B3GALT1: variants seen among roughly 807,000 people sequenced by gnomAD.
B3GALT1 encodes beta-1,3-galactosyltransferase 1.
B3GALT1 carries 10 observed loss-of-function variants against 23.2 expected under a neutral mutation model. The observed-to-expected ratio is 0.43, with a 90% CI of 0.27 to 0.73. The LOEUF is 0.73. Ranked by LOEUF, B3GALT1 falls within the 30% of genes least tolerant of loss-of-function variation. The pLI, the probability that B3GALT1 is intolerant of heterozygous loss-of-function variation, is 0.21. For synonymous variants in B3GALT1, 156 were observed against 141.5 expected, an observed-to-expected ratio of 1.10 and a Z score of -0.73; for missense variants, 299 against 405.4, an observed-to-expected ratio of 0.74 and a Z score of 2.25.
At position 167,550,894 on chromosome 2, in the gene B3GALT1, G is replaced by A. The variant is rs73026038; in HGVS notation, c.-410+60617G>A. On this transcript the variant is annotated intron_variant, in intron 2 of 4. Coordinates refer to ENST00000392690, the MANE Select transcript of B3GALT1 (RefSeq NM_020981.4). ...ATTTCAGTGACTTAACCCAAACACCGTCTCACTTATGTTACAGTCCAGGGA... is the reference window on the plus strand; with the variant it reads ...ATTTCAGTGACTTAACCCAAACACCATCTCACTTATGTTACAGTCCAGGGA... Among the ~76,000 whole-genome samples, 508 of 152,270 alleles carry A rather than the reference G, an allele frequency of 3.3e-3. 2 individuals carry two copies. Among genetic ancestry groups the A allele is most frequent in the African/African-American group, 0.012 (490 of 41,554 alleles).
At chr2:167,852,943 G>A (rs1263838521) in intron 4 of B3GALT1, among the ~76,000 whole-genome samples, 1 of 152,134 alleles carries the variant, frequency 6.6e-6, no homozygotes, top group Non-Finnish European at 1.5e-5. Flanking sequence ...TAATGAGAGT[G>A]ACAAAAATAA....
At chr2:167,357,996 G>A (rs974025998) in intron 1 of B3GALT1, among the ~76,000 whole-genome samples, 1 of 152,108 alleles carries the variant, frequency 6.6e-6, no homozygotes, top group Non-Finnish European at 1.5e-5. Flanking sequence ...TTCACAATTT[G>A]AGTATTTTGG....
chr2:167,310,839 A>G (rs932003727), intron 1 of B3GALT1, among the ~76,000 whole-genome samples: 8 of 151,956 alleles, frequency 5.3e-5, no homozygotes, highest in African/African-American at 1.4e-4. Context: ...CTTAGACTAG[A>G]CACTCTTCAG....
chr2:167,314,132 C>T (rs1696674228), intron 1 of B3GALT1, among the ~76,000 whole-genome samples: 1 of 151,948 alleles, frequency 6.6e-6, no homozygotes, highest in Non-Finnish European at 1.5e-5. Flanking sequence ...TTCAAATGCT[C>T]CCTACTCATG....
chr2:167,439,469 C>T (rs1275337632), intron 1 of B3GALT1, among the ~76,000 whole-genome samples: 2 of 151,976 alleles, frequency 1.3e-5, no homozygotes, highest in East Asian at 3.9e-4. Flanking sequence ...ATACTTTTCC[C>T]AGTCTGAGAA....
In B3GALT1 at chr2:167,449,801, G is replaced by A. The variant is rs372450996; in HGVS notation, c.-510-40376G>A. On this transcript the variant is annotated intron_variant, in intron 1 of 4. Transcript: ENST00000392690. ...GATTTTGCTGAGGGTTTTATTCGTA[G>A]AGGAATGCTGGATTTTGTCAAATAC... 5.3e-5 allele frequency among the ~76,000 whole-genome samples: 8 copies of A among 152,180 alleles called. No individual in the cohort carries two copies. The South Asian group carries it at 1.2e-3, about 24-fold the overall frequency.
intron 1 of B3GALT1, among the ~76,000 whole-genome samples, chr2:167,411,664 A>T (rs1180784833): frequency 6.6e-6 from 1 of 152,170 alleles, no homozygotes; most frequent in East Asian, 1.9e-4. Flanking sequence ...ATGTTCCTCA[A>T]AAAGTTAAAA....
intron 1 of B3GALT1, among the ~76,000 whole-genome samples, chr2:167,460,288 T>C (rs1309489165): frequency 6.6e-6 from 1 of 152,232 alleles, no homozygotes; most frequent in African/African-American, 2.4e-5. Flanking sequence ...GTCTGTTCAC[T>C]TTTCTTCAGT....
intron 3 of B3GALT1, among the ~76,000 whole-genome samples, chr2:167,768,377 T>TCTTC (rs1393789959): frequency 2.6e-5 from 4 of 152,242 alleles, no homozygotes; most frequent in Non-Finnish European, 4.4e-5. Context: ...TGGAATTCTT[T>TCTTC]CTTCCTTCCT....
chr2:167,561,876 T>C (rs1249296455), intron 2 of B3GALT1, among the ~76,000 whole-genome samples: 2 of 152,058 alleles, frequency 1.3e-5, no homozygotes, highest in Non-Finnish European at 2.9e-5. Flanking sequence ...CTACCAGAGG[T>C]ACAAGGAGGA....
intron 1 of B3GALT1, among the ~76,000 whole-genome samples, chr2:167,385,666 G>GA (rs1194287069): frequency 6.6e-6 from 1 of 152,144 alleles, no homozygotes; most frequent in Non-Finnish European, 1.5e-5. Context: ...ATACTGCTAG[G>GA]AAATAACAAA....
chr2:167,566,011 A>C (rs1684156704), intron 2 of B3GALT1, among the ~76,000 whole-genome samples: 1 of 152,114 alleles, frequency 6.6e-6, no homozygotes, highest in Admixed American at 6.6e-5. Flanking sequence ...GTATATACCC[A>C]AAGGACTATA....
At chr2:167,846,168 G>T (rs1689756600) in intron 4 of B3GALT1, among the ~76,000 whole-genome samples, 1 of 152,126 alleles carries the variant, frequency 6.6e-6, no homozygotes. Context: ...TAAAAGCTTG[G>T]AAACCATGTT....
chr2:167,829,994 T>A (rs1574286739), intron 4 of B3GALT1, among the ~76,000 whole-genome samples: 1 of 152,034 alleles, frequency 6.6e-6, no homozygotes, highest in East Asian at 1.9e-4. Flanking sequence ...GCAAAAGAAA[T>A]GTCTAGAAAG....
intron 2 of B3GALT1, among the ~76,000 whole-genome samples, chr2:167,599,978 A>G (rs1684846334): frequency 6.6e-6 from 1 of 152,224 alleles, no homozygotes. Context: ...TATCTGTACT[A>G]GAGTAGGAAT....
intron 3 of B3GALT1, among the ~76,000 whole-genome samples, chr2:167,804,980 C>G (rs1291377922): frequency 1.3e-5 from 2 of 152,220 alleles, no homozygotes; most frequent in Admixed American, 6.5e-5. Flanking sequence ...ACATCCTCTC[C>G]AGCACCTGTT....
At chr2:167,503,853 G>T (rs190251995) in intron 2 of B3GALT1, among the ~76,000 whole-genome samples, 33 of 152,228 alleles carry the variant, frequency 2.2e-4, no homozygotes, top group Admixed American at 1.9e-3. Flanking sequence ...AATTTCAAGT[G>T]CAATTTGTTA....
intron 3 of B3GALT1, among the ~76,000 whole-genome samples, chr2:167,742,316 G>A (rs1163542111): frequency 6.6e-6 from 1 of 152,180 alleles, no homozygotes; most frequent in African/African-American, 2.4e-5. Flanking sequence ...GCAGTGTAGG[G>A]ACAGGTAATG....
chr2:167,376,462 A>G (rs1043769510), intron 1 of B3GALT1, among the ~76,000 whole-genome samples: 1 of 152,148 alleles, frequency 6.6e-6, no homozygotes, highest in Non-Finnish European at 1.5e-5. Context: ...CAGTGAATCC[A>G]TCTGGTCCAG....
Sources: gnomAD v4.1 joint callset for allele counts (sites outside exome capture counted in the v4.1 genomes callset) on GRCh38, gnomAD v4.1.1 for gene constraint, MANE v1.5 for transcripts, NCBI Gene and HGNC (gene_info 2026-07-23, HGNC 2026-07-21) for gene names.